PIK3C2G: variants seen among roughly 807,000 people sequenced by gnomAD.
The protein encoded by PIK3C2G is phosphatidylinositol-4-phosphate 3-kinase catalytic subunit type 2 gamma, also known as phosphatidylinositol 3-kinase C2 domain-containing subunit gamma.
A neutral mutation model predicts 181.1 loss-of-function variants in PIK3C2G; 168 were observed. That is an observed-to-expected ratio of 0.93 (90% CI 0.82 to 1.05). The LOEUF (loss-of-function observed/expected upper bound fraction) is 1.05. PIK3C2G is among the 50% of genes least tolerant of loss of function. The pLI, the probability that PIK3C2G is intolerant of heterozygous loss-of-function variation, is 0.00. For synonymous variants in PIK3C2G, 573 were observed against 592.2 expected, an observed-to-expected ratio of 0.97 and a Z score of 0.47; for missense variants, 1,869 against 1,732.8, an observed-to-expected ratio of 1.08 and a Z score of -1.40.
chr12:18,490,813 C>G (rs2136062106), intron 19 of PIK3C2G, among the ~76,000 whole-genome samples: 1 of 152,244 alleles, frequency 6.6e-6, no homozygotes, highest in South Asian at 2.1e-4. Context: ...TTTCCTATCT[C>G]TTTTGTCATA....
At chr12:18,485,442 A>G (rs1939933229) in intron 18 of PIK3C2G, among the ~76,000 whole-genome samples, 1 of 152,090 alleles carries the variant, frequency 6.6e-6, no homozygotes, top group Non-Finnish European at 1.5e-5. Context: ...ATCCTATAAA[A>G]AATTTGCTCA....
chr12:18,293,394 G>A (rs1410864015), intron 4 of PIK3C2G, among the ~76,000 whole-genome samples: 1 of 152,064 alleles, frequency 6.6e-6, no homozygotes, highest in Non-Finnish European at 1.5e-5. Context: ...TTAATGTCAT[G>A]GCATGAATAT....
At chr12:18,256,116 G>A (rs943213837) in intron 1 of PIK3C2G, among the ~76,000 whole-genome samples, 3 of 152,094 alleles carry the variant, frequency 2.0e-5, no homozygotes, top group African/African-American at 4.8e-5. Flanking sequence ...TAATTACCCT[G>A]TAATTATTTT....
chr12:18,374,202 C>T (rs112878372), intron 13 of PIK3C2G, among the ~76,000 whole-genome samples: 10 of 152,218 alleles, frequency 6.6e-5, no homozygotes, highest in African/African-American at 2.4e-4. Context: ...CTGGCCTGAG[C>T]ACCAGTATTT....
At chr12:18,709,234 C>T in the PIK3C2G span, among the ~76,000 whole-genome samples, 24 of 137,908 alleles carry the variant, frequency 1.7e-4, no homozygotes, top group Admixed American at 3.0e-4. Context: ...TTTAGCATGT[C>T]GAAATTCAGT....
At chr12:18,524,377 G>A (rs922335499) in intron 24 of PIK3C2G, among the ~76,000 whole-genome samples, 8 of 152,188 alleles carry the variant, frequency 5.3e-5, no homozygotes, top group African/African-American at 1.9e-4. Flanking sequence ...CAAGTTTTAG[G>A]ATATTCAGGG....
chr12:18,448,500 T>C (rs1947155964), intron 18 of PIK3C2G, among the ~76,000 whole-genome samples: 1 of 152,168 alleles, frequency 6.6e-6, no homozygotes, highest in Admixed American at 6.6e-5. Flanking sequence ...TCTAGACTTA[T>C]GCAGCATATA....
chr12:18,279,097 C>T (rs1210745494), intron 1 of PIK3C2G, among the ~76,000 whole-genome samples: 2 of 152,022 alleles, frequency 1.3e-5, no homozygotes, highest in African/African-American at 2.4e-5. Flanking sequence ...AGCGAATACT[C>T]TGTTCAGGGC....
chr12:18,627,666 A>T (rs1033147181), intron 31 of PIK3C2G, among the ~76,000 whole-genome samples: 3 of 152,206 alleles, frequency 2.0e-5, no homozygotes, highest in Non-Finnish European at 4.4e-5. Flanking sequence ...AACAAATCAT[A>T]TCGCAAGTGC....
chr12:18,467,394 T>A (rs2135961463), intron 18 of PIK3C2G, among the ~76,000 whole-genome samples: 1 of 152,078 alleles, frequency 6.6e-6, no homozygotes, highest in East Asian at 1.9e-4. Flanking sequence ...TTTTCAAATT[T>A]TTATCTACAA....
chr12:18,245,848 C>T (rs1410136532), upstream of PIK3C2G, among the ~76,000 whole-genome samples: 1 of 151,988 alleles, frequency 6.6e-6, no homozygotes, highest in African/African-American at 2.4e-5. Flanking sequence ...AAATTCGCAA[C>T]TTGAGTTTCT....
intron 28 of PIK3C2G, among the ~76,000 whole-genome samples, chr12:18,564,423 C>T (rs1945511530): frequency 6.6e-6 from 1 of 150,454 alleles, no homozygotes; most frequent in Non-Finnish European, 1.5e-5. Context: ...ACCTGGCATA[C>T]TTGATACATG....
At chr12:18,568,384 T>TTGTGTGTG (rs56936466) in intron 29 of PIK3C2G, among the ~76,000 whole-genome samples, 1,702 of 145,802 alleles carry the variant, frequency 0.012, 14 homozygotes, top group African/African-American at 0.029. Flanking sequence ...ACCAACAAAA[T>TTGTGTGTG]TGTGTGTGTG....
intron 13 of PIK3C2G, among the ~76,000 whole-genome samples, chr12:18,377,169 T>C (rs957042771): frequency 3.9e-5 from 6 of 152,138 alleles, no homozygotes; most frequent in African/African-American, 1.2e-4. Flanking sequence ...ATGCCAGCAA[T>C]GGGCACATAG....
intron 18 of PIK3C2G, among the ~76,000 whole-genome samples, chr12:18,482,417 GT>G (rs1592371885): frequency 6.6e-6 from 1 of 152,050 alleles, no homozygotes; most frequent in Non-Finnish European, 1.5e-5. Context: ...CTACCTTGGG[GT>G]TACCATGGGT....
the PIK3C2G span, among the ~76,000 whole-genome samples, chr12:18,714,341 G>C: frequency 6.6e-6 from 1 of 152,272 alleles, no homozygotes; most frequent in Middle Eastern, 3.4e-3. Flanking sequence ...ATAAGGCAAT[G>C]GTTAGTGCTG....
chr12:18,491,741 A>G (rs1940591700), intron 20 of PIK3C2G, among the ~76,000 whole-genome samples, 183 bp downstream of exon 20: 1 of 152,028 alleles, frequency 6.6e-6, no homozygotes, highest in African/African-American at 2.4e-5. Context: ...TTGGGATCAC[A>G]TTGGCCTTAT....
chr12:18,567,168 T>A, intron 29 of PIK3C2G, 111 bp downstream of exon 29: 1 of 604,012 alleles, frequency 1.7e-6, no homozygotes, highest in South Asian at 2.3e-5. Context: ...GAGGTCAAGG[T>A]GGGATGATTG....
the PIK3C2G span, among the ~76,000 whole-genome samples, chr12:18,704,325 T>C: frequency 6.6e-6 from 1 of 151,652 alleles, no homozygotes; most frequent in Non-Finnish European, 1.5e-5. Context: ...AGGGAGTAAT[T>C]CCTTTCTTTT....
Sources: allele counts gnomAD v4.1 joint callset (sites outside exome capture counted in the v4.1 genomes callset), GRCh38; gene constraint gnomAD v4.1.1; transcripts MANE v1.5; gene names NCBI Gene and HGNC (gene_info 2026-07-23, HGNC 2026-07-21).